The following MKLN1 variants were observed in gnomAD, a reference collection of about 807,000 sequenced individuals.
MKLN1 encodes muskelin 1, also known as muskelin.
MKLN1 carries 18 observed loss-of-function variants against 99.0 expected under a neutral mutation model. The observed-to-expected ratio is 0.18, with a 90% CI of 0.13 to 0.27. The LOEUF (loss-of-function observed/expected upper bound fraction) is 0.27. Ranked by LOEUF, MKLN1 falls within the 10% of genes least tolerant of loss-of-function variation. MKLN1 has a pLI of 1.00. For missense variants in MKLN1, 621 were observed against 875.9 expected, an observed-to-expected ratio of 0.71 and a Z score of 3.67; for synonymous variants, 288 against 293.2, an observed-to-expected ratio of 0.98 and a Z score of 0.18.
chr7:131,298,132 G>T (rs1455606338), intron 3 of MKLN1, among the ~76,000 whole-genome samples: 1 of 152,156 alleles, frequency 6.6e-6, no homozygotes. Flanking sequence ...TTAGCCGGGC[G>T]CGGTGGCAGG....
chr7:131,217,449 A>G (rs1796999558), intron 3 of MKLN1, among the ~76,000 whole-genome samples: 1 of 152,198 alleles, frequency 6.6e-6, no homozygotes, highest in African/African-American at 2.4e-5. Context: ...TGTAATCCCA[A>G]CAGTTTGGGA....
chr7:131,319,303 A>G (rs570512507), intron 3 of MKLN1, among the ~76,000 whole-genome samples: 2 of 152,370 alleles, frequency 1.3e-5, no homozygotes, highest in South Asian at 4.1e-4. Context: ...ATGCAAATCA[A>G]CAAACGTAAT....
chr7:131,299,022 T>C (rs1281720820), intron 3 of MKLN1, among the ~76,000 whole-genome samples: 1 of 152,200 alleles, frequency 6.6e-6, no homozygotes, highest in Non-Finnish European at 1.5e-5. Flanking sequence ...CTATTGTTTA[T>C]AAAATTAAAA....
intron 8 of MKLN1, among the ~76,000 whole-genome samples, chr7:131,424,218 T>G (rs1795290292): frequency 1.3e-5 from 2 of 152,204 alleles, no homozygotes; most frequent in African/African-American, 4.8e-5. Context: ...TAAAACCTTT[T>G]TTTAAAAAAT....
rs1387178619 is a variant in MKLN1, at chr7:131,488,407, A to G, written c.*679A>G. On this transcript the variant is annotated 3_prime_UTR_variant, in exon 18 of 18. Transcript: ENST00000352689. ...AGATTGACCCAAGCACCTATCTGAG[A>G]TTGGTATATAATATTTCTATAATGA... 2 of 152,504 alleles carry G rather than the reference A, an allele frequency of 1.3e-5. No individual in the cohort carries two copies. Among genetic ancestry groups the G allele is most frequent in the African/African-American group, 4.8e-5 (2 of 41,430 alleles). 9.4% of individuals were successfully genotyped at this position (152,504 alleles called of 1,614,324 possible).
intron 17 of MKLN1, among the ~76,000 whole-genome samples, chr7:131,484,452 C>T (rs1584789642): frequency 6.6e-6 from 1 of 152,076 alleles, no homozygotes; most frequent in Admixed American, 6.6e-5. Flanking sequence ...ATTATTGAAT[C>T]TCTCTAAGTC....
At chr7:131,271,938 C>T (rs1384468681) in intron 3 of MKLN1, among the ~76,000 whole-genome samples, 1 of 151,956 alleles carries the variant, frequency 6.6e-6, no homozygotes, top group East Asian at 1.9e-4. Context: ...AAGATTTGTG[C>T]TGTCCTTGCA....
chr7:131,459,149 G>A (rs1252498202), intron 12 of MKLN1, among the ~76,000 whole-genome samples: 1 of 152,198 alleles, frequency 6.6e-6, no homozygotes, highest in African/African-American at 2.4e-5. Context: ...GGTAGACTGA[G>A]GTGGGGAAAC....
intron 3 of MKLN1, among the ~76,000 whole-genome samples, chr7:131,247,894 T>G (rs1220707158): frequency 6.6e-6 from 1 of 152,006 alleles, no homozygotes; most frequent in African/African-American, 2.4e-5. Flanking sequence ...TTTGTTTTGT[T>G]TTGTTTGTGC....
At chr7:131,115,414 A>G (rs1795259438) in intron 1 of MKLN1, among the ~76,000 whole-genome samples, 1 of 152,160 alleles carries the variant, frequency 6.6e-6, no homozygotes, top group African/African-American at 2.4e-5. Flanking sequence ...CCACCCTAAT[A>G]CAAACCATCA....
intron 4 of MKLN1, among the ~76,000 whole-genome samples, chr7:131,392,653 G>T (rs1794231542): frequency 6.8e-6 from 1 of 146,390 alleles, no homozygotes; most frequent in African/African-American, 2.5e-5. Context: ...TGCCTAGGCT[G>T]GAGTGCAATG....
At position 131,110,763 on chromosome 7, in the gene MKLN1, G is replaced by A. The variant is rs77132383; in HGVS notation, c.-419+556G>A. 9.0e-3 allele frequency among the ~76,000 whole-genome samples: 1,366 copies of A among 152,176 alleles called. 25 individuals are homozygous for A. Among genetic ancestry groups the A allele is most frequent in the African/African-American group, 0.03 (1,258 of 41,480 alleles). ...TTCCTTTGACCAGCATACCTCATTC[G>A]GCTTAAAGGAGAAAGAAAACTATGT... On this transcript the variant is annotated intron_variant, in intron 1 of 7. Coordinates refer to the MKLN1 transcript ENST00000416992.
chr7:131,416,979 CAAA>C (rs374145180), intron 8 of MKLN1, among the ~76,000 whole-genome samples: 1 of 49,558 alleles, frequency 2.0e-5, no homozygotes, highest in African/African-American at 6.3e-5. Flanking sequence ...GCAACCCTGT[CAAA>C]AAAAAAAAAA....
At chr7:131,423,406 C>T (rs1292086460) in intron 8 of MKLN1, among the ~76,000 whole-genome samples, 2 of 152,212 alleles carry the variant, frequency 1.3e-5, no homozygotes, top group African/African-American at 4.8e-5. Context: ...AGTCTCAGCT[C>T]ACTGCAACCT....
intron 2 of MKLN1, among the ~76,000 whole-genome samples, chr7:131,156,323 C>T (rs985702098): frequency 7.3e-5 from 11 of 151,586 alleles, no homozygotes; most frequent in East Asian, 5.8e-4. Context: ...GTCAGGAGAT[C>T]GAGACCATCC....
At chr7:131,412,303 G>A (rs1320435772) in intron 7 of MKLN1, among the ~76,000 whole-genome samples, 1 of 152,138 alleles carries the variant, frequency 6.6e-6, no homozygotes, top group African/African-American at 2.4e-5. Flanking sequence ...TATAGGCTGT[G>A]TTGTAATGCC....
At chr7:131,380,143 G>A (rs62468084) in intron 2 of MKLN1, among the ~76,000 whole-genome samples, 21,951 of 152,124 alleles carry the variant, frequency 0.14, 2,071 homozygotes, top group Admixed American at 0.29. Context: ...GTGAAGTCCA[G>A]TTTCATATCA....
chr7:131,197,080 A>C (rs1260604208), intron 2 of MKLN1, among the ~76,000 whole-genome samples: 2 of 152,210 alleles, frequency 1.3e-5, no homozygotes, highest in Non-Finnish European at 2.9e-5. Context: ...TGGCACACAC[A>C]CAAAGGTTTC....
chr7:131,219,077 A>G (rs1233887954), intron 3 of MKLN1, among the ~76,000 whole-genome samples: 1 of 152,198 alleles, frequency 6.6e-6, no homozygotes, highest in Non-Finnish European at 1.5e-5. Flanking sequence ...AGAGTTGTTT[A>G]ATGGGTACAA....
Sources: gnomAD v4.1 joint callset for allele counts (sites outside exome capture counted in the v4.1 genomes callset) on GRCh38, gnomAD v4.1.1 for gene constraint, MANE v1.5 for transcripts, NCBI Gene and HGNC (gene_info 2026-07-23, HGNC 2026-07-21) for gene names.